OPCML: variants seen among roughly 807,000 people sequenced by gnomAD.
OPCML encodes opioid binding protein/cell adhesion molecule like.
OPCML carries 13 observed loss-of-function variants against 37.8 expected under a neutral mutation model. The observed-to-expected ratio is 0.34, with a 90% CI of 0.22 to 0.55. The LOEUF is 0.55. OPCML is among the 20% of genes least tolerant of loss of function. The pLI is 0.91. For missense variants in OPCML, 341 were observed against 435.6 expected (o/e 0.78, Z 1.93); for synonymous variants, 176 against 168.8 (o/e 1.04, Z -0.33).
At chr11:133,071,288 G>A (rs1473494777) in intron 1 of OPCML, among the ~76,000 whole-genome samples, 1 of 152,166 alleles carries the variant, frequency 6.6e-6, no homozygotes, top group African/African-American at 2.4e-5. Flanking sequence ...GTGTATGTGT[G>A]TGTGTGTTTC....
rs1035990534 is a variant in OPCML, at chr11:133,212,591, T to G, written c.62-269581A>C. ...CTTGATCTCCCTTACTCTCTTTTAC[T>G]TTCTCACTTGTCCAAAGCCCTTGTC... is the stretch of plus-strand genomic sequence containing the variant. On this transcript the variant is annotated intron_variant, in intron 1 of 7. Coordinates refer to ENST00000524381, the MANE Select transcript of OPCML (RefSeq NM_001012393.5). The surrounding 1 kb of genome is among the most constrained non-coding windows in gnomAD (Gnocchi z 4.9). Among the ~76,000 whole-genome samples, 1 of 152,236 alleles carries G rather than the reference T, an allele frequency of 6.6e-6. No individual in the cohort carries two copies. The highest frequency in any genetic ancestry group is 1.5e-5 in the Non-Finnish European group (1 of 68,046).
At chr11:132,852,902 G>C (rs1367139474) in intron 2 of OPCML, among the ~76,000 whole-genome samples, 1 of 144,452 alleles carries the variant, frequency 6.9e-6, no homozygotes, top group Non-Finnish European at 1.5e-5. Flanking sequence ...TTAAAAGGTT[G>C]TTAAAAAAAA....
At chr11:132,853,860 A>T (rs762838649) in intron 2 of OPCML, among the ~76,000 whole-genome samples, 37 of 152,224 alleles carry the variant, frequency 2.4e-4, no homozygotes, top group Non-Finnish European at 4.3e-4. Context: ...CATCACCAAA[A>T]TGTGCAGGGA....
At chr11:132,774,935 C>T (rs1017595854) in intron 2 of OPCML, among the ~76,000 whole-genome samples, 1 of 152,194 alleles carries the variant, frequency 6.6e-6, no homozygotes, top group Non-Finnish European at 1.5e-5. Flanking sequence ...AGAGCCATAT[C>T]ATGTATTTCT....
intron 1 of OPCML, chr11:133,419,258 T>A: frequency 1.0e-6 from 1 of 985,290 alleles, no homozygotes. Context: ...AGTATATGAG[T>A]TTGGTTTTGA....
chr11:133,327,354 C>G (rs777467025), intron 1 of OPCML, among the ~76,000 whole-genome samples: 1 of 151,864 alleles, frequency 6.6e-6, no homozygotes, highest in African/African-American at 2.4e-5. Context: ...TGTGCAGACT[C>G]TAGGATTACT....
At chr11:132,908,524 G>A (rs1219943001) in intron 2 of OPCML, among the ~76,000 whole-genome samples, 1 of 151,998 alleles carries the variant, frequency 6.6e-6, no homozygotes, top group Admixed American at 6.6e-5. Context: ...CCTCTCCCTG[G>A]GTCTTCCCAC....
intron 1 of OPCML, among the ~76,000 whole-genome samples, chr11:133,125,568 A>AT (rs1024919442): frequency 1.0e-4 from 15 of 148,640 alleles, no homozygotes; most frequent in African/African-American, 3.2e-4. Flanking sequence ...ATATATATAT[A>AT]AAAAATATAG....
intron 4 of OPCML, among the ~76,000 whole-genome samples, chr11:132,489,118 A>G (rs886659255): frequency 1.3e-5 from 2 of 152,192 alleles, no homozygotes; most frequent in African/African-American, 4.8e-5. Context: ...AGCTTTTTCC[A>G]ATTTTTAAAA....
chr11:133,281,506 T>G (rs2136509373), intron 1 of OPCML, among the ~76,000 whole-genome samples: 1 of 152,228 alleles, frequency 6.6e-6, no homozygotes, highest in Non-Finnish European at 1.5e-5. Flanking sequence ...CCAAGTAAAC[T>G]TCTTTTCTTT....
intron 3 of OPCML, among the ~76,000 whole-genome samples, chr11:132,535,306 T>C (rs1320504797): frequency 1.3e-5 from 2 of 152,118 alleles, no homozygotes; most frequent in Non-Finnish European, 2.9e-5. Flanking sequence ...CACATGTGTA[T>C]GAAGAAATTG....
chr11:132,955,549 G>T (rs1945959294), intron 1 of OPCML, among the ~76,000 whole-genome samples: 1 of 152,110 alleles, frequency 6.6e-6, no homozygotes, highest in African/African-American at 2.4e-5. Flanking sequence ...ATATAGAGAA[G>T]AAAGATTACT....
At chr11:132,674,022 C>T (rs560773747) in intron 2 of OPCML, among the ~76,000 whole-genome samples, 1 of 152,234 alleles carries the variant, frequency 6.6e-6, no homozygotes, top group East Asian at 1.9e-4. Flanking sequence ...ATATTGAAAG[C>T]ATATAGGCAG....
intron 1 of OPCML, among the ~76,000 whole-genome samples, chr11:133,491,600 C>T (rs1660827871): frequency 6.6e-6 from 1 of 152,130 alleles, no homozygotes; most frequent in Admixed American, 6.6e-5. Flanking sequence ...TAAAAAGTAC[C>T]CATAAGCTAT....
At chr11:132,925,045 T>G (rs2136604623) in intron 2 of OPCML, among the ~76,000 whole-genome samples, 1 of 152,362 alleles carries the variant, frequency 6.6e-6, no homozygotes, top group East Asian at 1.9e-4. Flanking sequence ...TTGTGTCCAG[T>G]CCACCAAAGA....
intron 2 of OPCML, among the ~76,000 whole-genome samples, chr11:132,691,654 A>AT (rs947047332): frequency 3.5e-4 from 53 of 152,160 alleles, no homozygotes; most frequent in Non-Finnish European, 6.2e-4. Context: ...AACAACTCAA[A>AT]TTTTTTCATC....
At chr11:133,129,113 A>T (rs564274614) in intron 1 of OPCML, among the ~76,000 whole-genome samples, 1 of 152,284 alleles carries the variant, frequency 6.6e-6, no homozygotes, top group Non-Finnish European at 1.5e-5. Context: ...AGACTCTCTG[A>T]GTTGAAGAGA....
At chr11:133,386,835 C>A (rs915224524) in intron 1 of OPCML, among the ~76,000 whole-genome samples, 7 of 152,184 alleles carry the variant, frequency 4.6e-5, no homozygotes, top group Admixed American at 6.5e-5. Flanking sequence ...CAGTCCAGCC[C>A]CACACGGCAG....
intron 7 of OPCML, among the ~76,000 whole-genome samples, chr11:132,425,779 T>G (rs1486004068): frequency 6.6e-6 from 1 of 152,206 alleles, no homozygotes. Flanking sequence ...AGGCCTGAAG[T>G]GGCTGCTAAC....
Sources: allele counts gnomAD v4.1 joint callset (sites outside exome capture counted in the v4.1 genomes callset), GRCh38; gene constraint gnomAD v4.1.1; non-coding constraint Gnocchi (gnomAD v3.1); transcripts MANE v1.5; gene names NCBI Gene and HGNC (gene_info 2026-07-23, HGNC 2026-07-21).